PDE10A: variants seen among roughly 807,000 people sequenced by gnomAD.
PDE10A encodes the protein phosphodiesterase 10A.
In PDE10A, 39 loss-of-function variants were observed where a neutral mutation model predicts 97.7. The observed-to-expected ratio is 0.40, with a 90% CI of 0.31 to 0.52. PDE10A has a LOEUF of 0.52. Ranked by LOEUF, PDE10A falls within the 20% of genes least tolerant of loss-of-function variation. The pLI, the probability that PDE10A is intolerant of heterozygous loss-of-function variation, is 0.56. For missense variants in PDE10A, 731 were observed against 1,047.8 expected (o/e 0.70, Z 4.17); for synonymous variants, 371 against 376.8 (o/e 0.98, Z 0.18).
At chr6:165,419,472 A>G (rs1386169438) in intron 10 of PDE10A, among the ~76,000 whole-genome samples, 1 of 152,212 alleles carries the variant, frequency 6.6e-6, no homozygotes, top group East Asian at 1.9e-4. Context: ...AGGCACTGAG[A>G]AGTAACTTGC....
intron 1 of PDE10A, among the ~76,000 whole-genome samples, chr6:165,717,673 C>T (rs1259378903): frequency 3.9e-5 from 6 of 152,074 alleles, no homozygotes; most frequent in African/African-American, 7.2e-5. Flanking sequence ...TGGATTATTC[C>T]GTAATTCTAT....
At chr6:165,335,765 C>A (rs1054908745) in intron 21 of PDE10A, among the ~76,000 whole-genome samples, 1 of 152,006 alleles carries the variant, frequency 6.6e-6, no homozygotes, top group Non-Finnish European at 1.5e-5. Context: ...CATAAGAAAG[C>A]GAGAAGGGTC....
chr6:165,904,447 A>T (rs1782208551), intron 1 of PDE10A, among the ~76,000 whole-genome samples: 1 of 152,236 alleles, frequency 6.6e-6, no homozygotes, highest in Non-Finnish European at 1.5e-5. Context: ...TTAAGAATCA[A>T]CCCATACAGG....
intron 18 of PDE10A, among the ~76,000 whole-genome samples, chr6:165,356,003 G>A (rs1782999117): frequency 6.6e-6 from 1 of 152,104 alleles, no homozygotes; most frequent in Non-Finnish European, 1.5e-5. Flanking sequence ...CAATCATGGC[G>A]AAGGTGAAAG....
chr6:165,331,511 G>A lies in PDE10A; in HGVS notation c.*1514C>T, dbSNP rs760905064. 1.3e-5 allele frequency: 2 copies of A among 152,134 alleles called. No individual in the cohort carries two copies. The highest frequency in any genetic ancestry group is 2.4e-5 in the African/African-American group (1 of 41,424). 9.4% of individuals were successfully genotyped at this position (152,134 alleles called of 1,614,324 possible). The stretch of plus-strand genomic sequence containing the variant: ...ACAAAACGCCTATGGTGGTAAATAT[G>A]TAGAAGCATATTTTTCCATTTTATT... On this transcript the variant is annotated 3_prime_UTR_variant, in exon 22 of 22. Transcript: ENST00000539869.
chr6:165,586,218 C>T (rs552282263), intron 1 of PDE10A, among the ~76,000 whole-genome samples: 2 of 152,268 alleles, frequency 1.3e-5, no homozygotes, highest in African/African-American at 2.4e-5. Flanking sequence ...CTCACCTTAG[C>T]TCAAGTAAAC....
chr6:165,971,725 C>A (rs1322670685), intron 1 of PDE10A, among the ~76,000 whole-genome samples: 1 of 152,166 alleles, frequency 6.6e-6, no homozygotes, highest in South Asian at 2.1e-4. Flanking sequence ...ATCTTCAGGC[C>A]TGGGATTGGA....
At chr6:165,890,803 G>A (rs565057222) in intron 1 of PDE10A, among the ~76,000 whole-genome samples, 15 of 152,326 alleles carry the variant, frequency 9.8e-5, no homozygotes, top group Non-Finnish European at 1.9e-4. Context: ...TTCTGGAAGC[G>A]AAGAGCTGTT....
intron 13 of PDE10A, among the ~76,000 whole-genome samples, chr6:165,398,430 G>T (rs546468896): frequency 6.6e-6 from 1 of 150,732 alleles, no homozygotes; most frequent in Non-Finnish European, 1.5e-5. Context: ...GGAGGTTTCA[G>T]TGAGCAAAGA....
chr6:165,334,378 C>G (rs1283196973), intron 21 of PDE10A, among the ~76,000 whole-genome samples: 4 of 151,006 alleles, frequency 2.6e-5, no homozygotes, highest in Non-Finnish European at 5.9e-5. Context: ...TAGCGCCCTA[C>G]AGCGCCGGGC....
chr6:165,550,655 A>G (rs1202010927), intron 1 of PDE10A, among the ~76,000 whole-genome samples: 1 of 152,188 alleles, frequency 6.6e-6, no homozygotes, highest in Non-Finnish European at 1.5e-5. Flanking sequence ...TGGTTTATTC[A>G]TATCTTGTTT....
chr6:165,670,109 T>C (rs148168375), intron 1 of PDE10A, among the ~76,000 whole-genome samples: 1 of 152,292 alleles, frequency 6.6e-6, no homozygotes, highest in East Asian at 1.9e-4. Flanking sequence ...CACACACCAA[T>C]GGTGGACGGC....
intron 18 of PDE10A, among the ~76,000 whole-genome samples, chr6:165,345,673 T>C (rs537195405): frequency 1.3e-5 from 2 of 152,360 alleles, no homozygotes; most frequent in South Asian, 2.1e-4. Flanking sequence ...ACAATGCCTA[T>C]GATAAAACGA....
At chr6:165,986,748 T>G (rs1583401960) in intron 1 of PDE10A, 7 of 128,356 alleles carry the variant, frequency 5.5e-5, no homozygotes, top group East Asian at 2.5e-4. Context: ...TATGAAGGAG[T>G]GGTGTCTTAT....
intron 13 of PDE10A, among the ~76,000 whole-genome samples, chr6:165,406,026 C>T (rs1258470885): frequency 5.3e-5 from 8 of 151,836 alleles, no homozygotes; most frequent in Admixed American, 3.9e-4. Context: ...GAACAAATGT[C>T]CATGTCAGTT....
intron 1 of PDE10A, among the ~76,000 whole-genome samples, chr6:165,712,802 G>A (rs1349735257): frequency 2.0e-5 from 3 of 151,896 alleles, no homozygotes; most frequent in Admixed American, 2.0e-4. Context: ...ACCACGCCCG[G>A]CTTATTTTTT....
intron 1 of PDE10A, among the ~76,000 whole-genome samples, chr6:165,793,380 C>T (rs1778709881): frequency 6.6e-6 from 1 of 151,914 alleles, no homozygotes; most frequent in Non-Finnish European, 1.5e-5. Flanking sequence ...AAAAAAAATA[C>T]ATAATGCAAG....
chr6:165,527,065 G>T (rs112828226), intron 2 of PDE10A, among the ~76,000 whole-genome samples: 1 of 152,132 alleles, frequency 6.6e-6, no homozygotes, highest in East Asian at 1.9e-4. Context: ...AAATAAATCC[G>T]ACTAAAATTC....
At chr6:165,424,885 G>A (rs184952192) in intron 10 of PDE10A, among the ~76,000 whole-genome samples, 1 of 152,188 alleles carries the variant, frequency 6.6e-6, no homozygotes, top group East Asian at 1.9e-4. Flanking sequence ...CAAACTCACA[G>A]AAAATTAGGA....
Sources: allele counts gnomAD v4.1 joint callset (sites outside exome capture counted in the v4.1 genomes callset), GRCh38; gene constraint gnomAD v4.1.1; transcripts MANE v1.5; gene names NCBI Gene and HGNC (gene_info 2026-07-23, HGNC 2026-07-21).